Variants in CSMD1 observed in about 807,000 individuals in gnomAD.
CSMD1 encodes the protein CUB and Sushi multiple domains 1, also known as CUB and sushi domain-containing protein 1.
A neutral mutation model predicts 417.5 loss-of-function variants in CSMD1; 213 were observed. The observed-to-expected ratio is 0.51, with a 90% CI of 0.46 to 0.57. CSMD1 has a LOEUF of 0.57. CSMD1 is among the 20% of genes least tolerant of loss of function. The probability of loss-of-function intolerance (pLI) is 0.00; values close to 1 mark genes in which losing one functional copy is unlikely to be tolerated. For synonymous variants in CSMD1, 2,862 were observed against 1,736.8 expected (o/e 1.65, Z -16.11); for missense variants, 6,923 against 4,529.7 (o/e 1.53, Z -15.17).
chr8:3,840,819 C>A (rs1393678845), intron 5 of CSMD1, among the ~76,000 whole-genome samples: 1 of 151,698 alleles, frequency 6.6e-6, no homozygotes, highest in Non-Finnish European at 1.5e-5. Flanking sequence ...TCTCAACCTT[C>A]CAAGTAGCTG....
At chr8:3,881,600 C>A (rs1806206562) in intron 5 of CSMD1, among the ~76,000 whole-genome samples, 1 of 132,620 alleles carries the variant, frequency 7.5e-6, no homozygotes, top group African/African-American at 3.0e-5. Context: ...CAGAGCAAGA[C>A]TCCATCTCAA....
At chr8:4,156,688 G>C (rs1373287778) in intron 3 of CSMD1, among the ~76,000 whole-genome samples, 1 of 152,094 alleles carries the variant, frequency 6.6e-6, no homozygotes, top group Non-Finnish European at 1.5e-5. Context: ...TTTCTGTACT[G>C]TCAGGGGCCC....
At position 3,795,640 on chromosome 8, in the gene CSMD1, G is replaced by A. The variant is rs1309065876; in HGVS notation, c.819-41598C>T. ...TATAGATATATATCTATCATGTATA[G>A]ATATAGATATATATCTATCATAGAT... On this transcript the variant is annotated intron_variant, in intron 5 of 69. Coordinates refer to ENST00000635120, the MANE Select transcript of CSMD1 (RefSeq NM_033225.6). Among the ~76,000 whole-genome samples, 6 of 33,816 alleles carry A rather than the reference G, an allele frequency of 1.8e-4. 2 individuals carry two copies. The highest frequency in any genetic ancestry group is 1.1e-3 in the Admixed American group (3 of 2,826). The allele number at this position is 33,816 out of a possible 152,430, so 22.2% of individuals were successfully genotyped here. A position where few individuals can be genotyped will look rare whatever the true frequency, so the allele number is the denominator to read the frequency against.
At chr8:4,206,259 T>C (rs922054268) in intron 3 of CSMD1, among the ~76,000 whole-genome samples, 3 of 152,196 alleles carry the variant, frequency 2.0e-5, no homozygotes, top group Non-Finnish European at 4.4e-5. Context: ...GTTTGTTACA[T>C]ATGTATACAT....
At chr8:4,455,506 G>T (rs916690763) in intron 2 of CSMD1, among the ~76,000 whole-genome samples, 1 of 152,112 alleles carries the variant, frequency 6.6e-6, no homozygotes, top group Admixed American at 6.6e-5. Context: ...GTTTCCATTT[G>T]TCTCTGCAGC....
intron 10 of CSMD1, among the ~76,000 whole-genome samples, chr8:3,540,583 G>C (rs1798395903): frequency 6.6e-6 from 1 of 152,158 alleles, no homozygotes; most frequent in Non-Finnish European, 1.5e-5. Flanking sequence ...ACTATCATCT[G>C]AGTGAACAGA....
rs1358892520 is a variant in CSMD1, at chr8:4,402,793, CTTTTTTCTTTTTTTTT to C, written c.415+17144_415+17159del. On this transcript the variant is annotated intron_variant, in intron 3 of 69. Coordinates refer to ENST00000635120, the MANE Select transcript of CSMD1 (RefSeq NM_033225.6). ...TGATGCTGTGAGTATAATGTCCTCA[CTTTTTTCTTTTTTTTT>C]TTTTTTTTTTTCTTTTTTTTTTTTT... Among the ~76,000 whole-genome samples, 5 of 133,272 alleles carry C rather than the reference CTTTTTTCTTTTTTTTT, an allele frequency of 3.8e-5. No individual in the cohort carries two copies. The East Asian group carries it at 9.0e-4, about 24-fold the overall frequency. The allele number at this position is 133,272 out of a possible 152,430, so 87.4% of individuals were successfully genotyped here. A position where few individuals can be genotyped will look rare whatever the true frequency, so the allele number is the denominator to read the frequency against.
intron 9 of CSMD1, among the ~76,000 whole-genome samples, chr8:3,577,581 G>T (rs914793004): frequency 3.9e-5 from 6 of 152,098 alleles, no homozygotes; most frequent in Admixed American, 2.0e-4. Flanking sequence ...TTGCCAATTA[G>T]AACAATTTTT....
At chr8:4,486,226 CATACATATATATATATATACATACATAT>C (rs1801401907) in intron 2 of CSMD1, among the ~76,000 whole-genome samples, 2 of 10,630 alleles carry the variant, frequency 1.9e-4, no homozygotes, top group African/African-American at 5.7e-4. Context: ...TATATATATA[CATACATATATATATATATACATACATAT>C]ATATATATAT....
Position 4,144,208 on chromosome 8 carries a change from T to A in CSMD1, c.416-112109A>T, listed in dbSNP as rs532938207. Among the ~76,000 whole-genome samples the A allele has an allele frequency of 2.1e-3, 310 of 151,108 alleles. 3 individuals are homozygous for A. The highest frequency in any genetic ancestry group is 3.7e-3 in the Non-Finnish European group (255 of 68,010). The stretch of plus-strand genomic sequence containing the variant: ...CCTTAGACCTCCTGCCCCTAGATCT[T>A]GGGCTTCTTCCTTGATTCAGCACAA... On this transcript the variant is annotated intron_variant, in intron 3 of 69. Coordinates refer to ENST00000635120, the MANE Select transcript of CSMD1 (RefSeq NM_033225.6).
In CSMD1 at chr8:3,915,996, A is replaced by G. The variant is rs141795538; in HGVS notation, c.818+81907T>C. On this transcript the variant is annotated intron_variant, in intron 5 of 69. Coordinates refer to ENST00000635120, the MANE Select transcript of CSMD1 (RefSeq NM_033225.6). ...TTTGAGTGAGATTCATAAGATTGAT[A>G]TAATGCAATTAGTTGGAAAATGTCA... 2.6e-5 allele frequency among the ~76,000 whole-genome samples: 4 copies of G among 151,876 alleles called. No homozygotes were observed. The East Asian group carries it at 5.8e-4, about 22-fold the overall frequency.
chr8:3,700,093 T>A (rs572693851), intron 7 of CSMD1, among the ~76,000 whole-genome samples: 3 of 152,122 alleles, frequency 2.0e-5, no homozygotes, highest in Non-Finnish European at 4.4e-5. Context: ...CAAAGGGCTC[T>A]GTGGACGTTG....
intron 14 of CSMD1, among the ~76,000 whole-genome samples, chr8:3,407,126 G>T (rs73493489): frequency 6.6e-6 from 1 of 151,982 alleles, no homozygotes; most frequent in African/African-American, 2.4e-5. Context: ...TGGAAGGATG[G>T]ATGGATGAAT....
intron 1 of CSMD1, among the ~76,000 whole-genome samples, chr8:4,910,519 T>C (rs967038506): frequency 3.3e-5 from 5 of 152,184 alleles, no homozygotes; most frequent in African/African-American, 1.2e-4. Flanking sequence ...TGTTTTCCCA[T>C]GGTAAAAACG....
chr8:3,034,371 G>C (rs1666416168), intron 50 of CSMD1, among the ~76,000 whole-genome samples: 2 of 152,114 alleles, frequency 1.3e-5, no homozygotes, highest in Admixed American at 1.3e-4. Flanking sequence ...TGGCCTGATA[G>C]GCACAGACAT....
At position 3,742,506 on chromosome 8, in the gene CSMD1, G is replaced by A. The variant is rs1465491769; in HGVS notation, c.931+11424C>T. ...TACATTTTTAAAAACATTTCTGATG[G>A]ATAGTTGGCACTGCACTGAAAATAA... is the stretch of plus-strand genomic sequence containing the variant. On this transcript the variant is annotated intron_variant, in intron 6 of 69. Coordinates refer to ENST00000635120, the MANE Select transcript of CSMD1 (RefSeq NM_033225.6). Among the ~76,000 whole-genome samples, 5 of 152,124 alleles carry A rather than the reference G, an allele frequency of 3.3e-5. No individual in the cohort carries two copies. The South Asian group carries it at 1.0e-3, about 32-fold the overall frequency.
Position 4,267,264 on chromosome 8 carries a change from T to C in CSMD1, c.415+152689A>G, listed in dbSNP as rs1250430133. Among the ~76,000 whole-genome samples, 2 of 103,480 alleles carry C rather than the reference T, an allele frequency of 1.9e-5. 1 individual carries two copies. The highest frequency in any genetic ancestry group is 5.2e-5 in the African/African-American group (2 of 38,230). 67.9% of individuals were successfully genotyped at this position (103,480 alleles called of 152,430 possible). On this transcript the variant is annotated intron_variant, in intron 3 of 69. Coordinates refer to ENST00000635120, the MANE Select transcript of CSMD1 (RefSeq NM_033225.6). ...TTCAATGAAGTTGCTACTTAGAAAA[T>C]ATATCATGTTTTAATATGTATTAGC...
At chr8:3,263,256 A>G (rs1822242) in intron 26 of CSMD1, among the ~76,000 whole-genome samples, 10,422 of 152,158 alleles carry the variant, frequency 0.068, 500 homozygotes, top group East Asian at 0.21. Flanking sequence ...GTGCCACCAC[A>G]TCTGGCTAAT....
In CSMD1 at chr8:4,066,198, G is replaced by A. The variant is rs183764399; in HGVS notation, c.416-34099C>T. Reference sequence around the variant, plus strand: ...TCACATTCACCTCTCCTTAGGGACTGTTTCAACTGCCAGTCATGGGCAACG... The same window carrying A: ...TCACATTCACCTCTCCTTAGGGACTATTTCAACTGCCAGTCATGGGCAACG... On this transcript the variant is annotated intron_variant, in intron 3 of 69. Coordinates refer to ENST00000635120, the MANE Select transcript of CSMD1 (RefSeq NM_033225.6). Among the ~76,000 whole-genome samples the A allele has an allele frequency of 2.6e-5, 4 of 152,344 alleles. No homozygotes were observed. The East Asian group carries it at 7.7e-4, about 29-fold the overall frequency.
Sources: gnomAD v4.1 joint callset for allele counts (sites outside exome capture counted in the v4.1 genomes callset) on GRCh38, gnomAD v4.1.1 for gene constraint, MANE v1.5 for transcripts, NCBI Gene and HGNC (gene_info 2026-07-23, HGNC 2026-07-21) for gene names.